The following SLC2A5 variants were observed in gnomAD, a reference collection of about 807,000 sequenced individuals.
SLC2A5 encodes solute carrier family 2, facilitated glucose transporter member 5.
In SLC2A5, 56 loss-of-function variants were observed where a neutral mutation model predicts 50.3. The ratio of observed to expected loss-of-function variants is 1.11; its 90% CI spans 0.90 to 1.39. The LOEUF (loss-of-function observed/expected upper bound fraction) is 1.39. Ranked by LOEUF, SLC2A5 falls within the 40% of genes most tolerant of loss-of-function variation. SLC2A5 has a pLI of 0.00. For missense variants in SLC2A5, 566 were observed against 650.1 expected (o/e 0.87, Z 1.41); for synonymous variants, 269 against 281.9 (o/e 0.95, Z 0.46).
intron 2 of SLC2A5, among the ~76,000 whole-genome samples, chr1:9,081,282 C>CAAAAAAAAAAAAAAAAAA (rs1557685796): frequency 5.0e-5 from 4 of 80,108 alleles, no homozygotes; most frequent in African/African-American, 1.4e-4. Context: ...AAAAAAAACC[C>CAAAAAAAAAAAAAAAAAA]CAAAAAAAAA....
chr1:9,045,178 T>G (rs1403087878), intron 4 of SLC2A5, among the ~76,000 whole-genome samples: 1 of 152,158 alleles, frequency 6.6e-6, no homozygotes, highest in Non-Finnish European at 1.5e-5. Flanking sequence ...AATTCAGCTG[T>G]CTTCTATTAA....
intron 3 of SLC2A5, among the ~76,000 whole-genome samples, chr1:9,049,703 GA>G (rs35784062): frequency 0.73 from 99,837 of 136,666 alleles, 35,188 homozygotes; most frequent in East Asian, 0.94. Flanking sequence ...TCTGTCTAAA[GA>G]AAAAAAAAAA....
intron 1 of SLC2A5, among the ~76,000 whole-genome samples, chr1:9,065,231 A>G (rs549234909): frequency 1.3e-5 from 2 of 152,240 alleles, no homozygotes; most frequent in Non-Finnish European, 2.9e-5. Flanking sequence ...TCCCAGGGCT[A>G]CAGTCCTCAA....
At chr1:9,093,861 T>A in the SLC2A5 span, among the ~76,000 whole-genome samples, 2 of 152,124 alleles carry the variant, frequency 1.3e-5, no homozygotes. Flanking sequence ...AACATAACCC[T>A]AATCTATCAA....
intron 1 of SLC2A5, among the ~76,000 whole-genome samples, chr1:9,061,361 A>C (rs1641939732): frequency 6.6e-6 from 1 of 151,256 alleles, no homozygotes; most frequent in African/African-American, 2.4e-5. Context: ...CACTTCGAGA[A>C]GCTAAGTAAG....
chr1:9,039,802 C>G lies in SLC2A5; in HGVS notation c.883G>C (p.Ala295Pro). ...MGGQQLSGVN[A>P]IYYYADQIYL... ...CCGAGCCGCAGCCCGGCCCATACAG[C>G]GTTGACGCCCGACAGCTGCTGGCCG... is the stretch of plus-strand genomic sequence containing the variant. Residue 295 changes from alanine (A) to proline (P), a missense_variant and splice_region_variant, in exon 7 of 12, where the codon GCT becomes CCT. Coordinates refer to ENST00000377424, the MANE Select transcript of SLC2A5 (RefSeq NM_003039.3). The G allele has an allele frequency of 6.3e-7, 1 of 1,579,066 alleles. No individual in the cohort carries two copies.
At chr1:9,053,187 ATTATATAT>A (rs1182942338) in intron 3 of SLC2A5, among the ~76,000 whole-genome samples, 1 of 74,936 alleles carries the variant, frequency 1.3e-5, no homozygotes, top group African/African-American at 6.2e-5. Context: ...ATATTTATAT[ATTATATAT>A]TTATATATTA....
intron 2 of SLC2A5, among the ~76,000 whole-genome samples, chr1:9,083,517 T>C (rs1642374057): frequency 6.6e-6 from 1 of 152,232 alleles, no homozygotes; most frequent in African/African-American, 2.4e-5. Flanking sequence ...GACCTCATTA[T>C]GTGCTCATTA....
chr1:9,090,019 C>G (rs769900491), upstream of SLC2A5, among the ~76,000 whole-genome samples: 4 of 152,266 alleles, frequency 2.6e-5, no homozygotes, highest in East Asian at 5.8e-4. Flanking sequence ...AACATTCATC[C>G]GTTTCTGTTG....
Position 9,041,492 on chromosome 1 carries a change from G to A in SLC2A5, c.571+293C>T, listed in dbSNP as rs149982133. The A allele has an allele frequency of 1.0e-3, 1,352 of 1,309,862 alleles. 30 individuals are homozygous for A. In the Admixed American group the frequency reaches 0.041, roughly 40 times the overall value. 81.1% of individuals were successfully genotyped at this position (1,309,862 alleles called of 1,614,324 possible). A position where few individuals can be genotyped will look rare whatever the true frequency, so the allele number is the denominator to read the frequency against. The stretch of plus-strand genomic sequence containing the variant: ...CTGGTGGCTGTCATTGCTATGCCAC[G>A]GGCCTCCATATGGACAGCTGCTGAG... On this transcript the variant is annotated intron_variant, in intron 5 of 11. Transcript: ENST00000377424.
At chr1:9,041,750 G>T (rs377478298) in intron 5 of SLC2A5, 35 bp downstream of exon 5, 6 of 1,613,912 alleles carry the variant, frequency 3.7e-6, no homozygotes, top group African/African-American at 1.3e-5. Context: ...TAGTGGTGAA[G>T]GGGTGGGGGT....
chr1:9,075,806 A>G (rs917744567), intron 2 of SLC2A5, among the ~76,000 whole-genome samples: 1 of 151,818 alleles, frequency 6.6e-6, no homozygotes, highest in Non-Finnish European at 1.5e-5. Flanking sequence ...GATTACAGGC[A>G]CCTGCCACCA....
At chr1:9,091,554 G>A (rs1300661984), upstream of SLC2A5, among the ~76,000 whole-genome samples, 2 of 152,080 alleles carry the variant, frequency 1.3e-5, no homozygotes, top group Non-Finnish European at 2.9e-5. Flanking sequence ...ATCCTCTCAT[G>A]TGCAAGCCCT....
intron 4 of SLC2A5, among the ~76,000 whole-genome samples, chr1:9,045,364 G>A (rs1265963558): frequency 6.6e-6 from 1 of 152,174 alleles, no homozygotes; most frequent in African/African-American, 2.4e-5. Context: ...TTTTAAGTGT[G>A]TAAAGGGGTC....
intron 3 of SLC2A5, among the ~76,000 whole-genome samples, chr1:9,053,090 A>ATATATTTTATATATAATATATAT (rs1641625284): frequency 1.0e-5 from 1 of 98,008 alleles, no homozygotes; most frequent in African/African-American, 4.1e-5. Flanking sequence ...TTAATATATA[A>ATATATTTTATATATAATATATAT]TATATATTTA....
At chr1:9,089,277 G>C (rs935399377), upstream of SLC2A5, among the ~76,000 whole-genome samples, 1 of 152,108 alleles carries the variant, frequency 6.6e-6, no homozygotes, top group Non-Finnish European at 1.5e-5. Context: ...GAAAAACTTA[G>C]AGAAATTACA....
chr1:9,063,236 T>TTG (rs201049045), intron 1 of SLC2A5, among the ~76,000 whole-genome samples: 24 of 151,726 alleles, frequency 1.6e-4, no homozygotes, highest in Middle Eastern at 6.8e-3. Context: ...AATATGTACT[T>TTG]TGTGTGTGTG....
At chr1:9,087,821 C>A (rs188610763) in intron 1 of SLC2A5, among the ~76,000 whole-genome samples, 17 of 152,282 alleles carry the variant, frequency 1.1e-4, no homozygotes, top group Admixed American at 5.2e-4. Flanking sequence ...CGCTCTCTAG[C>A]ACTTGCTCCC....
intron 1 of SLC2A5, among the ~76,000 whole-genome samples, chr1:9,067,245 G>A (rs924518405): frequency 6.6e-6 from 1 of 152,136 alleles, no homozygotes; most frequent in Non-Finnish European, 1.5e-5. Flanking sequence ...AGCCCAGCAC[G>A]CCCCAGCTTT....
Sources: gnomAD v4.1 joint callset for allele counts (sites outside exome capture counted in the v4.1 genomes callset) on GRCh38, gnomAD v4.1.1 for gene constraint, MANE v1.5 for transcripts, NCBI Gene and HGNC (gene_info 2026-07-23, HGNC 2026-07-21) for gene names.